Variants in SLC41A3 observed in about 807,000 individuals in gnomAD.
SLC41A3 encodes the protein SLC41A1-like 2.
SLC41A3 carries 44 observed loss-of-function variants against 45.4 expected under a neutral mutation model. The ratio of observed to expected loss-of-function variants is 0.97; its 90% CI spans 0.76 to 1.25. The LOEUF (loss-of-function observed/expected upper bound fraction) is 1.25, where lower values mean the gene tolerates loss of function less well. SLC41A3 is among the 50% of genes most tolerant of loss of function. The pLI, the probability that SLC41A3 is intolerant of heterozygous loss-of-function variation, is 0.00. For missense variants in SLC41A3, 550 were observed against 600.6 expected, an observed-to-expected ratio of 0.92 and a Z score of 0.88; for synonymous variants, 256 against 252.4, an observed-to-expected ratio of 1.01 and a Z score of -0.13.
At chr3:126,076,372 A>G (rs938063809) in intron 1 of SLC41A3, among the ~76,000 whole-genome samples, 8 of 152,244 alleles carry the variant, frequency 5.3e-5, no homozygotes, top group Non-Finnish European at 1.2e-4. Flanking sequence ...ATATTCAATT[A>G]CATGGACATA....
intron 1 of SLC41A3, among the ~76,000 whole-genome samples, chr3:126,081,595 AG>A (rs1189229914): frequency 6.6e-6 from 1 of 152,268 alleles, no homozygotes; most frequent in African/African-American, 2.4e-5. Flanking sequence ...AAATTATCAC[AG>A]GCAACTCAAA....
At chr3:126,037,941 G>A (rs894685805) in intron 3 of SLC41A3, among the ~76,000 whole-genome samples, 17 of 152,176 alleles carry the variant, frequency 1.1e-4, no homozygotes, top group African/African-American at 4.1e-4. Flanking sequence ...ACAGCCCTGG[G>A]ACACTGCTCC....
At chr3:126,078,807 C>T (rs1202796839) in intron 1 of SLC41A3, among the ~76,000 whole-genome samples, 1 of 152,182 alleles carries the variant, frequency 6.6e-6, no homozygotes, top group Non-Finnish European at 1.5e-5. Flanking sequence ...CCTGCCTCCT[C>T]AGTTTCTCCC....
intron 1 of SLC41A3, among the ~76,000 whole-genome samples, chr3:126,075,184 G>C (rs1229450588): frequency 6.6e-6 from 1 of 152,176 alleles, no homozygotes; most frequent in African/African-American, 2.4e-5. Context: ...GGGCTCAACT[G>C]ATCCTCCTGC....
At chr3:126,017,027 C>A in intron 6 of SLC41A3, 152 bp from the exon 7 acceptor site, 4 of 962,610 alleles carry the variant, frequency 4.2e-6, no homozygotes, top group Non-Finnish European at 4.4e-6. Flanking sequence ...ACAGAACTTT[C>A]ACCATCCCAA....
At chr3:126,069,522 A>T (rs953730983) in intron 1 of SLC41A3, among the ~76,000 whole-genome samples, 5 of 152,212 alleles carry the variant, frequency 3.3e-5, no homozygotes, top group African/African-American at 1.2e-4. Context: ...GGAAGGGGGG[A>T]ATCTCATTTC....
At chr3:126,078,757 G>T (rs1945001669) in intron 1 of SLC41A3, among the ~76,000 whole-genome samples, 1 of 152,056 alleles carries the variant, frequency 6.6e-6, no homozygotes, top group Admixed American at 6.5e-5. Flanking sequence ...ACCCTACCAG[G>T]GTCCTCTCAA....
chr3:126,016,357 TG>T (rs1356866807), intron 7 of SLC41A3, among the ~76,000 whole-genome samples: 3 of 152,168 alleles, frequency 2.0e-5, no homozygotes, highest in Non-Finnish European at 4.4e-5. Context: ...GAGGCCAAGG[TG>T]GGGGACCTGC....
chr3:126,059,777 GGCATCACCTGGTTAA>G (rs1165023700), intron 2 of SLC41A3, among the ~76,000 whole-genome samples: 7 of 152,242 alleles, frequency 4.6e-5, no homozygotes, highest in Middle Eastern at 3.4e-3. Context: ...CTGGTTTAAA[GGCATCACCTGGTTAA>G]AGACAGAGTC....
chr3:126,088,175 C>T (rs115546009), upstream of SLC41A3, among the ~76,000 whole-genome samples: 198 of 152,028 alleles, frequency 1.3e-3, 1 homozygote, highest in African/African-American at 3.8e-3. Flanking sequence ...AAAATTAGAT[C>T]TTGTAGACCT....
chr3:126,067,207 T>G (rs1944397382), intron 2 of SLC41A3, among the ~76,000 whole-genome samples: 1 of 150,936 alleles, frequency 6.6e-6, no homozygotes, highest in Non-Finnish European at 1.5e-5. Context: ...CAACAAGTTA[T>G]CCTACCAATT....
At chr3:126,023,178 G>A in intron 5 of SLC41A3, 1 of 521,992 alleles carries the variant, frequency 1.9e-6, no homozygotes, top group Non-Finnish European at 3.4e-6. Flanking sequence ...TTTGTGACCT[G>A]TGCACATGAT....
At chr3:126,051,931 G>A (rs553694516) in intron 2 of SLC41A3, among the ~76,000 whole-genome samples, 1 of 152,268 alleles carries the variant, frequency 6.6e-6, no homozygotes, top group Non-Finnish European at 1.5e-5. Flanking sequence ...GTAAAGATGT[G>A]CAAATCCACC....
chr3:126,082,633 G>A (rs1372766667), intron 1 of SLC41A3, among the ~76,000 whole-genome samples: 7 of 152,180 alleles, frequency 4.6e-5, no homozygotes, highest in African/African-American at 9.6e-5. Context: ...ATCAGACTGA[G>A]GAGGAAACGG....
At chr3:126,083,208 G>A (rs1278892176) in intron 1 of SLC41A3, among the ~76,000 whole-genome samples, 1 of 152,154 alleles carries the variant, frequency 6.6e-6, no homozygotes, top group African/African-American at 2.4e-5. Context: ...AGACAAGTAT[G>A]GGGACCCACC....
intron 2 of SLC41A3, among the ~76,000 whole-genome samples, chr3:126,059,295 A>AAAGAGAGAGAAAG (rs1943911017): frequency 2.4e-5 from 3 of 127,532 alleles, no homozygotes; most frequent in Non-Finnish European, 3.4e-5. Flanking sequence ...AGAAAGAAAG[A>AAAGAGAGAGAAAG]AAGAAAGAAA....
intron 2 of SLC41A3, chr3:126,056,697 C>T (rs913907531): frequency 9.7e-6 from 14 of 1,444,420 alleles, no homozygotes; most frequent in Non-Finnish European, 1.3e-5. Flanking sequence ...CCTGTGCCTG[C>T]AGAGAGTTCC....
chr3:126,022,709 C>A, intron 6 of SLC41A3, 77 bp downstream of exon 6: 1 of 1,570,230 alleles, frequency 6.4e-7, no homozygotes, highest in South Asian at 1.2e-5. Context: ...AAAGTACCCA[C>A]TCAGCCTCAG....
At chr3:126,054,493 A>T (rs1395862477) in intron 2 of SLC41A3, among the ~76,000 whole-genome samples, 5 of 152,150 alleles carry the variant, frequency 3.3e-5, no homozygotes, top group Admixed American at 3.3e-4. Context: ...TGAGCAGAGT[A>T]GACAGAGCCC....
Sources: allele counts gnomAD v4.1 joint callset (sites outside exome capture counted in the v4.1 genomes callset), GRCh38; gene constraint gnomAD v4.1.1; transcripts MANE v1.5; gene names NCBI Gene and HGNC (gene_info 2026-07-23, HGNC 2026-07-21).